Variants in SHISA9 observed in about 807,000 individuals in gnomAD.
SHISA9 encodes shisa family member 9.
SHISA9 carries 13 observed loss-of-function variants against 38.0 expected under a neutral mutation model. That is an observed-to-expected ratio of 0.34 (90% confidence interval 0.22 to 0.54). SHISA9 has a LOEUF of 0.54. SHISA9 is among the 20% of genes least tolerant of loss of function. SHISA9 has a pLI of 0.91. For missense variants in SHISA9, 538 were observed against 575.8 expected (o/e 0.93, Z 0.67); for synonymous variants, 275 against 242.0 (o/e 1.14, Z -1.27).
chr16:13,381,715 T>A, the SHISA9 span, among the ~76,000 whole-genome samples: 2 of 152,226 alleles, frequency 1.3e-5, no homozygotes, highest in African/African-American at 4.8e-5. Flanking sequence ...GTCATATGAA[T>A]ATATTATCTA....
the SHISA9 span, among the ~76,000 whole-genome samples, chr16:13,515,217 G>T: frequency 8.9e-4 from 136 of 152,122 alleles, no homozygotes; most frequent in African/African-American, 3.2e-3. Context: ...AATAAGAAAA[G>T]AGTGAAATAA....
intron 2 of SHISA9, among the ~76,000 whole-genome samples, chr16:13,115,265 A>G (rs1016849054): frequency 1.1e-4 from 16 of 152,206 alleles, no homozygotes; most frequent in African/African-American, 3.9e-4. Context: ...ACACAGAAAT[A>G]TAGAGGTGTG....
At chr16:13,243,652 T>C (rs1378017961), downstream of SHISA9, among the ~76,000 whole-genome samples, 1 of 152,022 alleles carries the variant, frequency 6.6e-6, no homozygotes, top group Non-Finnish European at 1.5e-5. Context: ...ACTTAAAGCC[T>C]GTGTTGATGT....
rs577660560 is a variant in SHISA9 at position 12,926,420 on chromosome 16, T to C, written c.691+9605T>C. Among the ~76,000 whole-genome samples the C allele has an allele frequency of 3.4e-4, 52 of 152,330 alleles. 1 individual carries two copies. The highest frequency in any genetic ancestry group is 1.2e-3 in the African/African-American group (49 of 41,574). On this transcript the variant is annotated intron_variant, in intron 2 of 4. Coordinates refer to ENST00000558583, the MANE Select transcript of SHISA9 (RefSeq NM_001145204.3). The stretch of plus-strand genomic sequence containing the variant: ...TTTTAGCTAATTGTTTGCTTTCCTA[T>C]AATTAATATTTCTATTCAATCAACA...
chr16:13,410,606 AC>A, the SHISA9 span, among the ~76,000 whole-genome samples: 1 of 152,306 alleles, frequency 6.6e-6, no homozygotes, highest in Non-Finnish European at 1.5e-5. Context: ...TATGCCAAAA[AC>A]AAAAAAAAAG....
intron 2 of SHISA9, among the ~76,000 whole-genome samples, chr16:13,181,115 T>G (rs1348631249): frequency 2.6e-5 from 4 of 151,852 alleles, no homozygotes; most frequent in Non-Finnish European, 4.4e-5. Context: ...ATACATTTTA[T>G]AAACTATGAT....
rs147019860 is a variant in SHISA9 at position 12,977,211 on chromosome 16, A to G, written c.691+60396A>G. Among the ~76,000 whole-genome samples the G allele has an allele frequency of 9.1e-4, 138 of 152,216 alleles. 1 individual carries two copies. The highest frequency in any genetic ancestry group is 3.4e-3 in the Middle Eastern group (1 of 294). On this transcript the variant is annotated intron_variant, in intron 2 of 4. Transcript: ENST00000558583. ...GGTTGGGCTGGGTTCCTGGGTGGAT[A>G]ATCCTATAGTAGGCACTGGGGTTGC...
At position 13,186,802 on chromosome 16, in the gene SHISA9, A is replaced by T. The variant is rs1214140502; in HGVS notation, c.692-16592A>T. On this transcript the variant is annotated intron_variant, in intron 2 of 4. Coordinates refer to ENST00000558583, the MANE Select transcript of SHISA9 (RefSeq NM_001145204.3). ...TTTGACTACTCCAGGGACCTCACAG[A>T]AATTAAATCATACAGTATTTAGTCT... Among the ~76,000 whole-genome samples, 3 of 152,298 alleles carry T rather than the reference A, an allele frequency of 2.0e-5. No homozygotes were observed. In the East Asian group the frequency reaches 5.8e-4, roughly 29 times the overall value.
intron 1 of SHISA9, 32 bp downstream of exon 1, chr16:12,902,659 G>A (rs1302731383): frequency 1.5e-5 from 23 of 1,509,968 alleles, no homozygotes; most frequent in Non-Finnish European, 2.0e-5. Flanking sequence ...CTCCCCTCGG[G>A]GCTTCGCTCT....
chr16:13,216,560 TCTC>T (rs2051171301), intron 4 of SHISA9, among the ~76,000 whole-genome samples: 1 of 152,190 alleles, frequency 6.6e-6, no homozygotes, highest in Non-Finnish European at 1.5e-5. Flanking sequence ...TGACATCTGA[TCTC>T]TTTGCTCTTA....
intron 2 of SHISA9, among the ~76,000 whole-genome samples, chr16:12,959,369 T>A (rs554349468): frequency 6.6e-6 from 1 of 152,256 alleles, no homozygotes; most frequent in African/African-American, 2.4e-5. Flanking sequence ...TGAGAAAACA[T>A]TTGCTAGGTG....
At chr16:12,978,574 A>G (rs1245307859) in intron 2 of SHISA9, among the ~76,000 whole-genome samples, 1 of 152,222 alleles carries the variant, frequency 6.6e-6, no homozygotes, top group Non-Finnish European at 1.5e-5. Flanking sequence ...TAAGGACATC[A>G]ATATTTGCTT....
At chr16:12,911,218 C>T (rs1249790567) in intron 1 of SHISA9, 1 of 980,054 alleles carries the variant, frequency 1.0e-6, no homozygotes, top group East Asian at 1.1e-4. Context: ...GATTCAGAAT[C>T]TGCATTTTAA....
At chr16:13,247,666 T>G in the SHISA9 span, among the ~76,000 whole-genome samples, 1 of 152,246 alleles carries the variant, frequency 6.6e-6, no homozygotes, top group Non-Finnish European at 1.5e-5. Context: ...CTTGTCAGAT[T>G]CCAAATCCTA....
the SHISA9 span, chr16:13,258,313 C>A: frequency 6.6e-6 from 1 of 152,194 alleles, no homozygotes. Flanking sequence ...AACTGTGTGT[C>A]CTTTAACTTA....
chr16:13,168,977 T>G (rs1160158797), intron 2 of SHISA9, among the ~76,000 whole-genome samples: 1 of 152,266 alleles, frequency 6.6e-6, no homozygotes, highest in African/African-American at 2.4e-5. Flanking sequence ...GATCATTGTT[T>G]TTATCATCTT....
At chr16:13,135,667 T>A (rs541842973) in intron 2 of SHISA9, among the ~76,000 whole-genome samples, 51 of 152,330 alleles carry the variant, frequency 3.3e-4, no homozygotes, top group Middle Eastern at 3.4e-3. Context: ...TCTCAACATC[T>A]GCTTCTGGAG....
the SHISA9 span, among the ~76,000 whole-genome samples, chr16:13,481,975 C>G: frequency 6.6e-6 from 1 of 152,218 alleles, no homozygotes; most frequent in African/African-American, 2.4e-5. Context: ...ATGCCAACCA[C>G]TGACACAGCA....
At chr16:12,961,782 T>C (rs1035933980) in intron 2 of SHISA9, among the ~76,000 whole-genome samples, 1 of 152,178 alleles carries the variant, frequency 6.6e-6, no homozygotes, top group Non-Finnish European at 1.5e-5. Flanking sequence ...ATCAGCTCTC[T>C]CCTGTGAACA....
Sources: allele counts gnomAD v4.1 joint callset (sites outside exome capture counted in the v4.1 genomes callset), GRCh38; gene constraint gnomAD v4.1.1; transcripts MANE v1.5; gene names NCBI Gene and HGNC (gene_info 2026-07-23, HGNC 2026-07-21).